TEKTL1: variants seen among roughly 807,000 people sequenced by gnomAD.
The protein encoded by TEKTL1 is tektin like 1, also known as tektin-like protein 1.
the TEKTL1 span, chr19:15,021,686 T>C: frequency 6.2e-7 from 1 of 1,614,054 alleles, no homozygotes; most frequent in South Asian, 1.1e-5. Flanking sequence ...AACCAAGAGT[T>C]GTACACCACC....
the TEKTL1 span, chr19:15,022,042 G>A: frequency 8.2e-5 from 62 of 752,842 alleles, no homozygotes; most frequent in Non-Finnish European, 1.3e-4. Context: ...TTCAACTCCT[G>A]CCACGAAGTG....
the TEKTL1 span, among the ~76,000 whole-genome samples, chr19:15,014,742 G>GGGGGGGA: frequency 8.0e-6 from 1 of 125,572 alleles, no homozygotes; most frequent in African/African-American, 3.2e-5. Flanking sequence ...GGGGGGCGGG[G>GGGGGGGA]GCTGCTGAAA....
chr19:15,015,992 A>T, the TEKTL1 span, among the ~76,000 whole-genome samples: 1 of 152,074 alleles, frequency 6.6e-6, no homozygotes, highest in Non-Finnish European at 1.5e-5. Context: ...CTGCATTTGA[A>T]TAAGCATTGG....
the TEKTL1 span, chr19:15,013,727 T>G: frequency 6.2e-7 from 1 of 1,613,692 alleles, no homozygotes; most frequent in South Asian, 1.1e-5. Context: ...CTGAAAAGCA[T>G]GAAGAGGAAA....
the TEKTL1 span, chr19:15,021,365 C>T: frequency 6.2e-7 from 1 of 1,614,132 alleles, no homozygotes; most frequent in East Asian, 2.2e-5. Flanking sequence ...TGCGCCTTGG[C>T]GCTAAACGAA....
the TEKTL1 span, among the ~76,000 whole-genome samples, chr19:15,015,847 T>C: frequency 6.6e-6 from 1 of 152,194 alleles, no homozygotes; most frequent in Admixed American, 6.5e-5. Flanking sequence ...TTATGTCATA[T>C]CTATTTTACT....
chr19:15,015,498 CCT>C, the TEKTL1 span, among the ~76,000 whole-genome samples: 1 of 151,980 alleles, frequency 6.6e-6, no homozygotes, highest in Non-Finnish European at 1.5e-5. Flanking sequence ...CCAAAGGGAA[CCT>C]CTCTCATTTT....
chr19:15,011,646 A>G, the TEKTL1 span, among the ~76,000 whole-genome samples: 1 of 151,840 alleles, frequency 6.6e-6, no homozygotes, highest in Non-Finnish European at 1.5e-5. Context: ...AGGCAGGAGA[A>G]TCACTTGAAC....
chr19:15,019,105 C>A, the TEKTL1 span, among the ~76,000 whole-genome samples: 4 of 152,044 alleles, frequency 2.6e-5, no homozygotes, highest in Admixed American at 2.6e-4. Context: ...TGAATCATCA[C>A]ACCTTGCTAA....
chr19:15,013,811 G>A, the TEKTL1 span: 14 of 1,423,522 alleles, frequency 9.8e-6, no homozygotes, highest in Admixed American at 1.9e-4. Flanking sequence ...ACGGGGGCTG[G>A]AGGGGGATCC....
chr19:15,014,775 G>T, the TEKTL1 span, among the ~76,000 whole-genome samples: 2 of 150,012 alleles, frequency 1.3e-5, no homozygotes, highest in African/African-American at 4.9e-5. Context: ...TGCTGAATCG[G>T]AATACTGCAT....
At chr19:15,023,166 G>A in the TEKTL1 span, 1 of 1,508,986 alleles carries the variant, frequency 6.6e-7, no homozygotes, top group Non-Finnish European at 8.8e-7. Flanking sequence ...ATGCTGGCTG[G>A]GACCTCGGAG....
chr19:15,023,044 G>A, the TEKTL1 span: 2 of 1,612,002 alleles, frequency 1.2e-6, no homozygotes, highest in Non-Finnish European at 1.7e-6. Flanking sequence ...TGTGCTACGA[G>A]CAGGCGCAGC....
the TEKTL1 span, chr19:15,021,223 T>C: frequency 8.2e-7 from 1 of 1,217,956 alleles, no homozygotes; most frequent in Non-Finnish European, 1.1e-6. Flanking sequence ...CCGCGCCCCC[T>C]GGACTTTCAC....
chr19:15,021,871 C>G, the TEKTL1 span: 1 of 1,601,050 alleles, frequency 6.2e-7, no homozygotes, highest in Non-Finnish European at 8.6e-7. Context: ...TTCGCATGTA[C>G]CAGAGACACG....
chr19:15,018,215 G>T, the TEKTL1 span, among the ~76,000 whole-genome samples: 2 of 152,114 alleles, frequency 1.3e-5, no homozygotes, highest in African/African-American at 4.8e-5. Flanking sequence ...TTAGCTAGGT[G>T]TGATGGCACA....
At chr19:15,023,082 C>G in the TEKTL1 span, 1 of 1,607,356 alleles carries the variant, frequency 6.2e-7, no homozygotes, top group South Asian at 1.1e-5. Flanking sequence ...GACCCGCGCA[C>G]GCCGCCGCCG....
chr19:15,011,413 G>GCCCAACCCCAGCC, the TEKTL1 span: 1 of 1,408,756 alleles, frequency 7.1e-7, no homozygotes, highest in Non-Finnish European at 9.2e-7. Context: ...CCTCCCCCAC[G>GCCCAACCCCAGCC]CCCAACCCCA....
chr19:15,018,962 G>T, the TEKTL1 span, among the ~76,000 whole-genome samples: 1,286 of 151,238 alleles, frequency 8.5e-3, 26 homozygotes, highest in African/African-American at 0.029. Context: ...TTTTGTTTTT[G>T]TTTTGAGACA....
Sources: gnomAD v4.1 joint callset for allele counts (sites outside exome capture counted in the v4.1 genomes callset) on GRCh38, gnomAD v4.1.1 for gene constraint, MANE v1.5 for transcripts, NCBI Gene and HGNC (gene_info 2026-07-23, HGNC 2026-07-21) for gene names.